PCBP3: variants seen among roughly 807,000 people sequenced by gnomAD.
The protein encoded by PCBP3 is poly(rC)-binding protein 3.
PCBP3 carries 25 observed loss-of-function variants against 52.7 expected under a neutral mutation model. The ratio of observed to expected loss-of-function variants is 0.47; its 90% confidence interval spans 0.35 to 0.66. PCBP3 has a LOEUF of 0.66. PCBP3 is among the 30% of genes least tolerant of loss of function. PCBP3 has a pLI of 0.01. For missense variants in PCBP3, 391 were observed against 490.3 expected (o/e 0.80, Z 1.91); for synonymous variants, 162 against 183.0 (o/e 0.89, Z 0.93).
chr21:45,911,685 A>G (rs1233610780), intron 11 of PCBP3, among the ~76,000 whole-genome samples: 1 of 152,188 alleles, frequency 6.6e-6, no homozygotes, highest in East Asian at 1.9e-4. Context: ...AGCAAAAATG[A>G]AGAAGCCTCG....
intron 15 of PCBP3, among the ~76,000 whole-genome samples, chr21:45,934,735 G>C (rs974066457): frequency 3.9e-5 from 6 of 152,230 alleles, no homozygotes; most frequent in Admixed American, 3.9e-4. Context: ...TCCCCTGCAG[G>C]AGGCCGGGGG....
chr21:45,863,459 C>A (rs1232115591), intron 5 of PCBP3, among the ~76,000 whole-genome samples: 1 of 152,232 alleles, frequency 6.6e-6, no homozygotes, highest in East Asian at 1.9e-4. Context: ...GCTCGCCGGG[C>A]TGTTGAGTCG....
chr21:45,887,312 C>G (rs1653952689), intron 5 of PCBP3, among the ~76,000 whole-genome samples: 1 of 152,250 alleles, frequency 6.6e-6, no homozygotes, highest in South Asian at 2.1e-4. Flanking sequence ...TTCCCAGAAG[C>G]AGCAGCCTTG....
chr21:45,868,411 CTT>C (rs1232045625), intron 5 of PCBP3, among the ~76,000 whole-genome samples: 79 of 113,658 alleles, frequency 7.0e-4, no homozygotes, highest in African/African-American at 1.8e-3. Context: ...CTTATTTGTT[CTT>C]TTTTTTTTTT....
chr21:45,922,920 G>A (rs1459843796), intron 13 of PCBP3, among the ~76,000 whole-genome samples: 1 of 152,248 alleles, frequency 6.6e-6, no homozygotes, highest in East Asian at 1.9e-4. Context: ...GGACACCAGT[G>A]TCTACTAAGA....
chr21:45,833,827 G>A (rs1299653266), intron 4 of PCBP3, among the ~76,000 whole-genome samples: 1 of 152,228 alleles, frequency 6.6e-6, no homozygotes, highest in Non-Finnish European at 1.5e-5. Context: ...GGAGGAGCTT[G>A]CAGTCCTGCC....
chr21:45,645,182 G>A (rs903582412), intron 1 of PCBP3, among the ~76,000 whole-genome samples: 1 of 152,036 alleles, frequency 6.6e-6, no homozygotes, highest in African/African-American at 2.4e-5. Context: ...AAAACATGGG[G>A]CCTTAAAACT....
At chr21:45,836,203 C>A (rs1030106110) in intron 4 of PCBP3, 3 of 152,170 alleles carry the variant, frequency 2.0e-5, no homozygotes, top group Non-Finnish European at 4.4e-5. Context: ...CCTTGGACCC[C>A]TTCCTGGTAC....
At position 45,888,095 on chromosome 21, in the gene PCBP3, T is replaced by C. The variant is rs541477188; in HGVS notation, c.11-8113T>C. Among the ~76,000 whole-genome samples, 4 of 152,326 alleles carry C rather than the reference T, an allele frequency of 2.6e-5. No homozygotes were observed. The East Asian group carries it at 7.7e-4, about 29-fold the overall frequency. On this transcript the variant is annotated intron_variant, in intron 5 of 17. Transcript: ENST00000681687. Reference sequence around the variant, plus strand: ...GTCCTCACACTCTGCTGGGTACCTGTCCTGGCCGTGTACGAATCCCAGGGA... The same window carrying C: ...GTCCTCACACTCTGCTGGGTACCTGCCCTGGCCGTGTACGAATCCCAGGGA...
chr21:45,886,319 A>G (rs1157600491), intron 5 of PCBP3, among the ~76,000 whole-genome samples: 1 of 71,510 alleles, frequency 1.4e-5, no homozygotes, highest in Admixed American at 1.5e-4. Context: ...AGGAGGCCTC[A>G]TTGCCGCTGG....
intron 2 of PCBP3, among the ~76,000 whole-genome samples, chr21:45,733,265 T>C (rs1223927078): frequency 6.6e-6 from 1 of 152,206 alleles, no homozygotes; most frequent in African/African-American, 2.4e-5. Flanking sequence ...ATATACAATG[T>C]ATTTATGATA....
At chr21:45,836,180 C>T (rs1364511055) in intron 4 of PCBP3, 2 of 152,110 alleles carry the variant, frequency 1.3e-5, no homozygotes, top group Non-Finnish European at 2.9e-5. Flanking sequence ...GTGGGGGATA[C>T]AAACAGAAGG....
intron 1 of PCBP3, among the ~76,000 whole-genome samples, chr21:45,659,631 G>A (rs565247811): frequency 1.3e-5 from 2 of 152,216 alleles, no homozygotes; most frequent in African/African-American, 2.4e-5. Flanking sequence ...GATTACAGGC[G>A]TTAGCCACTG....
chr21:45,728,528 GTCTTT>G (rs1206550351), intron 2 of PCBP3: 1 of 152,102 alleles, frequency 6.6e-6, no homozygotes, highest in East Asian at 1.9e-4. Context: ...GAATATTGAT[GTCTTT>G]TCTTATGTGT....
intron 2 of PCBP3, among the ~76,000 whole-genome samples, chr21:45,679,176 A>AGTG (rs1303351867): frequency 1.4e-5 from 2 of 147,806 alleles, no homozygotes; most frequent in African/African-American, 5.0e-5. Flanking sequence ...TGGAGTGTGC[A>AGTG]GTGGTGCAAT....
chr21:45,910,798 C>T, intron 10 of PCBP3, 104 bp from the exon 11 acceptor site: 1 of 1,193,244 alleles, frequency 8.4e-7, no homozygotes, highest in South Asian at 1.5e-5. Flanking sequence ...TGCAGGTTTC[C>T]AAGGAAGTGT....
intron 4 of PCBP3, among the ~76,000 whole-genome samples, chr21:45,840,151 A>G (rs116263486): frequency 0.019 from 2,887 of 152,096 alleles, 94 homozygotes; most frequent in African/African-American, 0.066. Flanking sequence ...AAAAGTTTAT[A>G]GAGTAAAAAT....
chr21:45,936,369 C>T (rs184257264), intron 16 of PCBP3, among the ~76,000 whole-genome samples: 3 of 152,214 alleles, frequency 2.0e-5, no homozygotes, highest in East Asian at 1.9e-4. Flanking sequence ...TCTTCTATCC[C>T]GGTTGCTGGT....
At chr21:45,684,224 T>C (rs1485813809) in intron 2 of PCBP3, among the ~76,000 whole-genome samples, 1 of 152,158 alleles carries the variant, frequency 6.6e-6, no homozygotes, top group Non-Finnish European at 1.5e-5. Context: ...AGACCCTGTC[T>C]CTAAAAACAA....
Sources: gnomAD v4.1 joint callset for allele counts (sites outside exome capture counted in the v4.1 genomes callset) on GRCh38, gnomAD v4.1.1 for gene constraint, MANE v1.5 for transcripts, NCBI Gene and HGNC (gene_info 2026-07-23, HGNC 2026-07-21) for gene names.